CDH18: variants seen among roughly 807,000 people sequenced by gnomAD.
CDH18 encodes cadherin 18.
A neutral mutation model predicts 67.9 loss-of-function variants in CDH18; 31 were observed. The ratio of observed to expected loss-of-function variants is 0.46; its 90% CI spans 0.34 to 0.62. The LOEUF (loss-of-function observed/expected upper bound fraction) is 0.62. Ranked by LOEUF, CDH18 falls within the 20% of genes least tolerant of loss-of-function variation. The pLI, the probability that CDH18 is intolerant of heterozygous loss-of-function variation, is 0.01. For missense variants in CDH18, 890 were observed against 975.5 expected (o/e 0.91, Z 1.17); for synonymous variants, 362 against 347.2 (o/e 1.04, Z -0.48).
chr5:20,485,132 C>T (rs1292029582), intron 1 of CDH18, among the ~76,000 whole-genome samples: 1 of 152,110 alleles, frequency 6.6e-6, no homozygotes, highest in Non-Finnish European at 1.5e-5. Context: ...AGTGCTTTCA[C>T]CCCTGTGTTA....
At chr5:19,484,738 A>T (rs897550679) in intron 11 of CDH18, among the ~76,000 whole-genome samples, 1 of 152,222 alleles carries the variant, frequency 6.6e-6, no homozygotes, top group Admixed American at 6.5e-5. Flanking sequence ...AGAGACATTA[A>T]GAGTGAATGT....
At chr5:20,455,158 G>A (rs1750752976) in intron 1 of CDH18, among the ~76,000 whole-genome samples, 1 of 151,994 alleles carries the variant, frequency 6.6e-6, no homozygotes, top group Non-Finnish European at 1.5e-5. Flanking sequence ...AATATCCAGT[G>A]TCATAATTGA....
chr5:19,670,804 G>T lies in CDH18; in HGVS notation c.643+50543C>A, dbSNP rs138799238. Among the ~76,000 whole-genome samples, 53 of 152,100 alleles carry T rather than the reference G, an allele frequency of 3.5e-4. 1 individual carries two copies. In the East Asian group the frequency reaches 8.3e-3, roughly 24 times the overall value. ...ATGACCATTAATGTATTATTAATGGGAATAAAGAAGAGTTGACAGACTCAA... is the reference window on the plus strand; with the variant it reads ...ATGACCATTAATGTATTATTAATGGTAATAAAGAAGAGTTGACAGACTCAA... On this transcript the variant is annotated intron_variant, in intron 5 of 12. Coordinates refer to ENST00000382275, the MANE Select transcript of CDH18 (RefSeq NM_004934.5).
intron 5 of CDH18, among the ~76,000 whole-genome samples, chr5:19,624,215 C>T (rs1022456307): frequency 6.6e-6 from 1 of 151,752 alleles, no homozygotes; most frequent in African/African-American, 2.4e-5. Context: ...CCATGTTGGC[C>T]AGGCTGGTCT....
rs540807959 is a variant in CDH18, at chr5:19,676,469, T to A, written c.643+44878A>T. The stretch of plus-strand genomic sequence containing the variant: ...AGCAATGGTTTGGCAATTATCACAT[T>A]GCCTCTCTAAAAAGTCATAAATTGG... On this transcript the variant is annotated intron_variant, in intron 5 of 12. Transcript: ENST00000382275. Among the ~76,000 whole-genome samples the A allele has an allele frequency of 2.6e-5, 4 of 152,100 alleles. No individual in the cohort carries two copies. In the East Asian group the frequency reaches 7.8e-4, roughly 30 times the overall value.
intron 7 of CDH18, among the ~76,000 whole-genome samples, chr5:19,582,946 C>T (rs754937226): frequency 5.3e-5 from 8 of 151,244 alleles, no homozygotes; most frequent in Non-Finnish European, 7.4e-5. Context: ...ATGGTTGTAG[C>T]GGAACATATT....
intron 1 of CDH18, among the ~76,000 whole-genome samples, chr5:20,524,782 C>T (rs1755948029): frequency 6.6e-6 from 1 of 152,056 alleles, no homozygotes; most frequent in Admixed American, 6.6e-5. Context: ...TATCAAAAAC[C>T]AAGCCCTGAG....
chr5:20,346,040 C>G (rs1474575388), intron 1 of CDH18, among the ~76,000 whole-genome samples: 1 of 152,150 alleles, frequency 6.6e-6, no homozygotes, highest in African/African-American at 2.4e-5. Context: ...ATATATTCCT[C>G]TCACTTTCCT....
intron 3 of CDH18, among the ~76,000 whole-genome samples, chr5:19,800,848 T>C (rs1477360840): frequency 6.6e-6 from 1 of 152,184 alleles, no homozygotes; most frequent in African/African-American, 2.4e-5. Flanking sequence ...GACAGGCATG[T>C]ACTACATTCA....
At chr5:19,958,252 A>G (rs1187139280) in intron 2 of CDH18, among the ~76,000 whole-genome samples, 1 of 151,608 alleles carries the variant, frequency 6.6e-6, no homozygotes, top group Non-Finnish European at 1.5e-5. Context: ...CCATTGATCT[A>G]AGCCATGTTG....
intron 1 of CDH18, among the ~76,000 whole-genome samples, chr5:20,523,553 T>A (rs1027314454): frequency 5.9e-5 from 9 of 152,110 alleles, no homozygotes; most frequent in African/African-American, 1.2e-4. Context: ...CATAACTTAT[T>A]TTTTTTAGAT....
intron 12 of CDH18, among the ~76,000 whole-genome samples, chr5:19,476,869 A>G (rs1334611457): frequency 6.6e-6 from 1 of 151,934 alleles, no homozygotes; most frequent in Non-Finnish European, 1.5e-5. Context: ...CAATCTTTGC[A>G]TATGTATCAT....
intron 4 of CDH18, among the ~76,000 whole-genome samples, chr5:19,727,379 T>C (rs1008992876): frequency 1.3e-5 from 2 of 152,080 alleles, no homozygotes; most frequent in Non-Finnish European, 2.9e-5. Flanking sequence ...TACACAGGCA[T>C]AACATCATGT....
At chr5:19,704,961 C>G (rs555421896) in intron 5 of CDH18, among the ~76,000 whole-genome samples, 16 of 152,112 alleles carry the variant, frequency 1.1e-4, no homozygotes, top group Non-Finnish European at 2.4e-4. Flanking sequence ...CTTTACTATT[C>G]CCTTAGCTGA....
At chr5:20,471,851 A>G (rs930881404) in intron 1 of CDH18, among the ~76,000 whole-genome samples, 4 of 137,678 alleles carry the variant, frequency 2.9e-5, no homozygotes, top group Middle Eastern at 7.4e-3. Flanking sequence ...AAAAAAAAAA[A>G]GCAAAAGCAT....
Position 20,423,403 on chromosome 5 carries a change from A to G in CDH18, c.-580+152059T>C, listed in dbSNP as rs577611420. ...CATACACGAAATTGGAGCATATAATAAGGATTTTAAGAAATGTTTGTTCAA... is the reference window on the plus strand; with the variant it reads ...CATACACGAAATTGGAGCATATAATGAGGATTTTAAGAAATGTTTGTTCAA... On this transcript the variant is annotated intron_variant, in intron 1 of 14. Coordinates refer to the CDH18 transcript ENST00000507958. Among the ~76,000 whole-genome samples the G allele has an allele frequency of 1.3e-4, 19 of 151,312 alleles. No homozygotes were observed. In the South Asian group the frequency reaches 3.5e-3, roughly 28 times the overall value.
At chr5:19,613,789 T>G (rs941678899) in intron 5 of CDH18, among the ~76,000 whole-genome samples, 2 of 152,154 alleles carry the variant, frequency 1.3e-5, no homozygotes, top group Non-Finnish European at 2.9e-5. Flanking sequence ...ATTGTCCTCA[T>G]GTCCATGAGA....
At chr5:20,492,426 G>T (rs1276831986) in intron 1 of CDH18, among the ~76,000 whole-genome samples, 1 of 151,988 alleles carries the variant, frequency 6.6e-6, no homozygotes, top group African/African-American at 2.4e-5. Flanking sequence ...TTCAACCAAA[G>T]CATTTTATAT....
chr5:20,305,471 C>G (rs1736339812), intron 1 of CDH18: 2 of 1,313,898 alleles, frequency 1.5e-6, no homozygotes, highest in East Asian at 2.3e-5. Flanking sequence ...CCTCAGCGGC[C>G]GCCGCTGCAC....
Sources: gnomAD v4.1 joint callset for allele counts (sites outside exome capture counted in the v4.1 genomes callset) on GRCh38, gnomAD v4.1.1 for gene constraint, MANE v1.5 for transcripts, NCBI Gene and HGNC (gene_info 2026-07-23, HGNC 2026-07-21) for gene names.